SPTBN2: variants seen among roughly 807,000 people sequenced by gnomAD.
The protein encoded by SPTBN2 is spectrin beta, non-erythrocytic 2, also known as spectrin beta chain, non-erythrocytic 2.
In SPTBN2, 107 loss-of-function variants were observed where a neutral mutation model predicts 284.2. The ratio of observed to expected loss-of-function variants is 0.38; its 90% CI spans 0.32 to 0.44. The LOEUF is 0.44. Among genes scored for constraint, SPTBN2 ranks in the 20% least tolerant of loss-of-function variants. The probability of loss-of-function intolerance (pLI) is 1.00; values close to 1 mark genes in which losing one functional copy is unlikely to be tolerated. For synonymous variants in SPTBN2, 1,289 were observed against 1,354.8 expected (o/e 0.95, Z 1.07); for missense variants, 2,569 against 3,287.1 (o/e 0.78, Z 5.34).
In SPTBN2 at chr11:66,707,603, G is replaced by A; in HGVS notation, c.1566C>T (p.Ala522=). Residue 522 remains alanine (A), a synonymous_variant, in exon 13 of 38, where the codon GCC becomes GCT. Transcript: ENST00000533211. The surrounding 1 kb of genome is among the most constrained non-coding windows in gnomAD (Gnocchi z 4.9). ...LWDFLRQMVA[A]RRERLLLNLE... is the part of the protein sequence containing the mutation. ...GGTTGAGGAGGAGCCGCTCCCGCCG[G>A]GCGGCCACCATCTGCCGCAAGAAGT... The A allele has an allele frequency of 6.2e-7, 1 of 1,611,548 alleles. No homozygotes were observed. The highest frequency in any genetic ancestry group is 8.5e-7 in the Non-Finnish European group (1 of 1,180,002).
chr11:66,733,105 A>G (rs935388816), upstream of SPTBN2, among the ~76,000 whole-genome samples: 1 of 152,182 alleles, frequency 6.6e-6, no homozygotes, highest in African/African-American at 2.4e-5. Context: ...TAGATCATGC[A>G]GAGCTTTTTA....
rs1459669556 is a variant in SPTBN2 at position 66,704,928 on chromosome 11, T to C, written c.2348A>G (p.Gln783Arg). ...PELGHDEFST[Q>R]ALARQHRALE... Reference sequence around the variant, plus strand: ...GGCCCGATGCTGCCTGGCTAGAGCCTGCGTGGAGAACTCGTCGTGCCCCAG... The same window carrying C: ...GGCCCGATGCTGCCTGGCTAGAGCCCGCGTGGAGAACTCGTCGTGCCCCAG... Residue 783 changes from glutamine (Q) to arginine (R), a missense_variant, in exon 15 of 38, where the codon CAG becomes CGG. Physicochemically the swap from Gln to Arg is conservative, Grantham distance 43 (BLOSUM62 1). Around this residue, in one of 6 missense-constraint regions of SPTBN2, gnomAD observed 1,012 missense variants for 1,248.9 expected, o/e 0.81. Transcript: ENST00000533211. 6.2e-7 allele frequency: 1 copy of C among 1,611,494 alleles called. No individual in the cohort carries two copies. The highest frequency in any genetic ancestry group is 1.1e-5 in the South Asian group (1 of 91,086).
chr11:66,698,968 T>C (rs776905911), intron 19 of SPTBN2, 24 bp downstream of exon 19: 1 of 1,613,622 alleles, frequency 6.2e-7, no homozygotes, highest in African/African-American at 1.3e-5. Flanking sequence ...CTAGGGAATA[T>C]CCCGGGGCCC....
intron 3 of SPTBN2, among the ~76,000 whole-genome samples, chr11:66,716,459 G>A (rs1358418485): frequency 4.6e-5 from 7 of 150,666 alleles, no homozygotes; most frequent in East Asian, 3.9e-4. Flanking sequence ...CAGCCTGGGC[G>A]ACAGAGCAAG....
At chr11:66,701,949 C>T (rs1036880031) in intron 15 of SPTBN2, among the ~76,000 whole-genome samples, 4 of 152,072 alleles carry the variant, frequency 2.6e-5, no homozygotes, top group African/African-American at 9.7e-5. Flanking sequence ...TAGAAATGCT[C>T]AAAAGATGGT....
intron 18 of SPTBN2, 89 bp from the exon 19 acceptor site, chr11:66,699,171 G>A (rs1432383615): frequency 6.7e-7 from 1 of 1,500,284 alleles, no homozygotes; most frequent in African/African-American, 1.4e-5. Context: ...ATTTCTTCTA[G>A]GGGAATAACG....
Position 66,691,778 on chromosome 11 carries a change from G to A in SPTBN2, c.5191-120C>T, listed in dbSNP as rs542682881. 8.3e-6 allele frequency: 12 copies of A among 1,446,898 alleles called. No individual in the cohort carries two copies. The highest frequency in any genetic ancestry group is 4.2e-5 in the African/African-American group (3 of 71,830). 89.6% of individuals were successfully genotyped at this position (1,446,898 alleles called of 1,614,324 possible). A position where few individuals can be genotyped will look rare whatever the true frequency, so the allele number is the denominator to read the frequency against. On this transcript the variant is annotated intron_variant, in intron 26 of 37. Transcript: ENST00000533211. This position sits in a 1 kb window ranked among gnomAD's most constrained non-coding sequence, Gnocchi z 8.0. ...CACCTCTCCCCGCTGCATGGGGGCC[G>A]GGACAGGTTTCTTCCCTGTGGTTAA...
intron 8 of SPTBN2, among the ~76,000 whole-genome samples, chr11:66,712,243 G>A (rs1028660465): frequency 6.6e-6 from 1 of 152,190 alleles, no homozygotes; most frequent in Non-Finnish European, 1.5e-5. Flanking sequence ...TGCAGAACCA[G>A]GTATCAAATA....
rs751878972 is a variant in SPTBN2 at position 66,687,070 on chromosome 11, C to T, written c.6820G>A (p.Val2274Met). The T allele has an allele frequency of 1.2e-6, 2 of 1,614,170 alleles. No individual in the cohort carries two copies. Among genetic ancestry groups the T allele is most frequent in the South Asian group, 1.1e-5 (1 of 91,088 alleles). ...ASAGVPYHGEVPVSLARAQGS... is the reference protein window; with the variant it reads ...ASAGVPYHGEMPVSLARAQGS... ...TGGGCCCTGGCCAGGCTGACAGGCACTTCTCCGTGGTATGGCACTCCCGCG... is the reference window on the plus strand; with the variant it reads ...TGGGCCCTGGCCAGGCTGACAGGCATTTCTCCGTGGTATGGCACTCCCGCG... The change falls in exon 36 of 38, where the codon GTG becomes ATG. Residue 2274 changes from valine to methionine, a missense_variant. Physicochemically the swap from Val to Met is conservative, Grantham distance 21. Transcript: ENST00000533211. The surrounding 1 kb of genome is among the most constrained non-coding windows in gnomAD (Gnocchi z 5.2).
intron 1 of SPTBN2, among the ~76,000 whole-genome samples, chr11:66,724,941 T>C (rs1456658669): frequency 2.0e-5 from 3 of 152,174 alleles, no homozygotes; most frequent in Non-Finnish European, 4.4e-5. Flanking sequence ...GGGGGTTTTG[T>C]TAAAGTTACA....
In SPTBN2 at chr11:66,721,350, C is replaced by T. The variant is rs1942394932; in HGVS notation, c.-23G>A. 7.1e-7 allele frequency: 1 copy of T among 1,413,620 alleles called. No homozygotes were observed. Among genetic ancestry groups the T allele is most frequent in the Non-Finnish European group, 9.9e-7 (1 of 1,005,452 alleles). The allele number at this position is 1,413,620 out of a possible 1,614,324, so 87.6% of individuals were successfully genotyped here. On this transcript the variant is annotated splice_region_variant and 5_prime_UTR_variant, in exon 2 of 38. Coordinates refer to ENST00000533211, the MANE Select transcript of SPTBN2 (RefSeq NM_006946.4). ...GGGGCCTTCTGTCTTCTTGCCCTAC[C>T]TGTGCTCCGCTCTCCTTGTGGCCAG...
intron 1 of SPTBN2, among the ~76,000 whole-genome samples, chr11:66,742,118 G>C (rs1051459623): frequency 3.9e-4 from 59 of 152,266 alleles, no homozygotes; most frequent in African/African-American, 1.4e-3. Context: ...CACCATGCCT[G>C]ATTTATTCAT....
chr11:66,702,351 A>G (rs1209282770), intron 15 of SPTBN2, among the ~76,000 whole-genome samples: 1 of 152,096 alleles, frequency 6.6e-6, no homozygotes, highest in Non-Finnish European at 1.5e-5. Flanking sequence ...TTTTTGGTGG[A>G]GACGGGTGTT....
intron 1 of SPTBN2, among the ~76,000 whole-genome samples, chr11:66,743,311 C>A (rs1172249585): frequency 6.6e-6 from 1 of 152,084 alleles, no homozygotes; most frequent in Non-Finnish European, 1.5e-5. Flanking sequence ...AGCATAGACT[C>A]GAGAAGGGTA....
intron 3 of SPTBN2, among the ~76,000 whole-genome samples, chr11:66,719,534 C>T (rs1942298289): frequency 6.6e-6 from 1 of 152,236 alleles, no homozygotes; most frequent in South Asian, 2.1e-4. Flanking sequence ...GAGATAAACA[C>T]CCAATGAGAG....
At position 66,710,914 on chromosome 11, in the gene SPTBN2, T is replaced by C; in HGVS notation, c.885+3A>G. Reference sequence around the variant, plus strand: ...CTTTATGCCTACTGCCCATGGACAGTACCTTGCCAATTCTCTTGCCTTCCA... The same window carrying C: ...CTTTATGCCTACTGCCCATGGACAGCACCTTGCCAATTCTCTTGCCTTCCA... On this transcript the variant is annotated splice_donor_region_variant and intron_variant, in intron 9 of 37. Coordinates refer to ENST00000533211, the MANE Select transcript of SPTBN2 (RefSeq NM_006946.4). This position sits in a 1 kb window ranked among gnomAD's most constrained non-coding sequence, Gnocchi z 4.9. 1 of 1,614,106 alleles carries C rather than the reference T, an allele frequency of 6.2e-7. No individual in the cohort carries two copies.
chr11:66,700,710 T>A lies in SPTBN2; in HGVS notation c.3389A>T (p.Glu1130Val). ...GGGGTCAGCCTGGTCCCGGGTCACC[T>A]CCTCGCCCAGGGCTCGCAGCCGGCT... Reference protein sequence around the residue: ...EYSRLRALGEEVTRDQADPQC... With the variant: ...EYSRLRALGEVVTRDQADPQC... The change falls in exon 17 of 38, where the codon GAG becomes GTG. Residue 1130 changes from glutamate to valine, a missense_variant. Glu to Val is a moderately radical substitution (Grantham distance 121). Coordinates refer to ENST00000533211, the MANE Select transcript of SPTBN2 (RefSeq NM_006946.4). The surrounding 1 kb of genome is among the most constrained non-coding windows in gnomAD (Gnocchi z 6.6). The A allele has an allele frequency of 6.2e-7, 1 of 1,604,890 alleles. No individual in the cohort carries two copies. Among genetic ancestry groups the A allele is most frequent in the Non-Finnish European group, 8.5e-7 (1 of 1,179,834 alleles).
rs1003931976 is a variant in SPTBN2, at chr11:66,687,744, C to G, written c.6502-97G>C. 1.6e-5 allele frequency: 25 copies of G among 1,585,340 alleles called. No individual in the cohort carries two copies. The highest frequency in any genetic ancestry group is 1.4e-4 in the Admixed American group (8 of 59,196). ...TGTCCAGGAGTTGGTCTTCCTGCCCCCAAGCTGCCTGTGAGCCTCTGCCCT... is the reference window on the plus strand; with the variant it reads ...TGTCCAGGAGTTGGTCTTCCTGCCCGCAAGCTGCCTGTGAGCCTCTGCCCT... On this transcript the variant is annotated intron_variant, in intron 34 of 37. Coordinates refer to ENST00000533211, the MANE Select transcript of SPTBN2 (RefSeq NM_006946.4). The surrounding 1 kb of genome is among the most constrained non-coding windows in gnomAD (Gnocchi z 5.2).
intron 1 of SPTBN2, among the ~76,000 whole-genome samples, chr11:66,741,669 T>A (rs1244030731): frequency 6.6e-6 from 1 of 152,208 alleles, no homozygotes; most frequent in East Asian, 1.9e-4. Flanking sequence ...TTGGCCTAGT[T>A]AACTAAGGTG....
Sources: allele counts gnomAD v4.1 joint callset (sites outside exome capture counted in the v4.1 genomes callset), GRCh38; gene constraint gnomAD v4.1.1; regional missense constraint gnomAD v4.1.1; non-coding constraint Gnocchi (gnomAD v3.1); transcripts MANE v1.5; gene names NCBI Gene and HGNC (gene_info 2026-07-23, HGNC 2026-07-21).